ARHGEF26: variants seen among roughly 807,000 people sequenced by gnomAD.
ARHGEF26 encodes Rho guanine nucleotide exchange factor (GEF) 26.
In ARHGEF26, 59 loss-of-function variants were observed where a neutral mutation model predicts 89.4. The observed-to-expected ratio is 0.66, with a 90% confidence interval of 0.54 to 0.82. ARHGEF26 has a LOEUF of 0.82. ARHGEF26 is among the 40% of genes least tolerant of loss of function. The pLI is 0.00. For synonymous variants in ARHGEF26, 500 were observed against 428.4 expected (o/e 1.17, Z -2.06); for missense variants, 1,234 against 1,085.6 (o/e 1.14, Z -1.92).
At chr3:154,125,445 A>G (rs1718270940) in intron 3 of ARHGEF26, among the ~76,000 whole-genome samples, 1 of 152,182 alleles carries the variant, frequency 6.6e-6, no homozygotes, top group Admixed American at 6.5e-5. Flanking sequence ...AGGAAACCAG[A>G]AGATCTGAGA....
chr3:154,223,095 G>A (rs893799684), intron 10 of ARHGEF26, among the ~76,000 whole-genome samples: 6 of 152,118 alleles, frequency 3.9e-5, no homozygotes, highest in Admixed American at 1.3e-4. Context: ...TTTGTCTTGC[G>A]ATGGAAAGTT....
In ARHGEF26 at chr3:154,122,401, GCGCCGCCGC is replaced by G; in HGVS notation, c.418_426del (p.Pro140_Pro142del). ...AGCAAATGGCGCGGTGACCTTGCCT[GCGCCGCCGC>G]CGCCGCCGGTTCTGCGCCCCCCGCG... On this transcript the variant is annotated inframe_deletion, in exon 2 of 15. Coordinates refer to ENST00000465093, the MANE Select transcript of ARHGEF26 (RefSeq NM_015595.4). 1.2e-6 allele frequency: 2 copies of G among 1,606,776 alleles called. No individual in the cohort carries two copies. The highest frequency in any genetic ancestry group is 1.7e-6 in the Non-Finnish European group (2 of 1,176,768).
In ARHGEF26 at chr3:154,191,348, GGAACTTACCCAT is replaced by G. The variant is rs1389893522; in HGVS notation, c.1703_1714del (p.Asn568_Met571del). 1.2e-6 allele frequency: 2 copies of G among 1,613,598 alleles called. No individual in the cohort carries two copies. The highest frequency in any genetic ancestry group is 1.7e-6 in the Non-Finnish European group (2 of 1,179,776). ...AGGATTGAGTCCCATGAAGACTGTA[GGAACTTACCCAT>G]GATCTCTTTTCTCATTCTCCCCATG... On this transcript the variant is annotated inframe_deletion, in exon 8 of 15. Transcript: ENST00000465093.
At chr3:154,253,484 ATTAAG>A (rs891879072) in intron 13 of ARHGEF26, among the ~76,000 whole-genome samples, 3 of 152,332 alleles carry the variant, frequency 2.0e-5, no homozygotes, top group African/African-American at 7.2e-5. Flanking sequence ...TATTGTGAAG[ATTAAG>A]TTAAATAATC....
In ARHGEF26 at chr3:154,240,458, G is replaced by C. The variant is rs1210624088; in HGVS notation, c.2179G>C (p.Gly727Arg). 6.8e-6 allele frequency: 11 copies of C among 1,613,354 alleles called. No homozygotes were observed. The highest frequency in any genetic ancestry group is 7.6e-6 in the Non-Finnish European group (9 of 1,179,644). ...CDNEELNSSP[G>R]KNSSTMLYSR... ...CAATGAAGAGCTTAATTCTTCTCCA[G>C]GGAAGAACAGCTCCACAATGCTCTA... is the stretch of plus-strand genomic sequence containing the variant. Residue 727 changes from glycine to arginine, a missense_variant, in exon 12 of 15, where the codon GGG (glycine) becomes CGG (arginine). Gly to Arg is a moderately radical substitution (Grantham distance 125). Coordinates refer to ENST00000465093, the MANE Select transcript of ARHGEF26 (RefSeq NM_015595.4).
intron 4 of ARHGEF26, among the ~76,000 whole-genome samples, chr3:154,137,719 G>A (rs768732393): frequency 2.6e-5 from 4 of 151,522 alleles, no homozygotes; most frequent in Non-Finnish European, 5.9e-5. Context: ...GGTCCTGCCT[G>A]TAATCTCAGA....
intron 6 of ARHGEF26, among the ~76,000 whole-genome samples, chr3:154,184,371 C>A (rs1379365325): frequency 6.6e-6 from 1 of 152,188 alleles, no homozygotes; most frequent in African/African-American, 2.4e-5. Context: ...AGCTAGAAAT[C>A]AAATAGTCTT....
At chr3:154,235,070 C>G (rs1717038986) in intron 11 of ARHGEF26, among the ~76,000 whole-genome samples, 1 of 151,056 alleles carries the variant, frequency 6.6e-6, no homozygotes, top group Admixed American at 6.6e-5. Flanking sequence ...TTTTTTTTTT[C>G]CACAATCTTT....
In ARHGEF26 at chr3:154,218,012, A is replaced by G; in HGVS notation, c.1935+54A>G. 2.7e-6 allele frequency: 4 copies of G among 1,471,330 alleles called. No individual in the cohort carries two copies. In the South Asian group the frequency reaches 4.9e-5, roughly 18 times the overall value. 91.1% of individuals were successfully genotyped at this position (1,471,330 alleles called of 1,614,324 possible). A position where few individuals can be genotyped will look rare whatever the true frequency, so the allele number is the denominator to read the frequency against. On this transcript the variant is annotated intron_variant, in intron 10 of 14. Coordinates refer to ENST00000465093, the MANE Select transcript of ARHGEF26 (RefSeq NM_015595.4). ...CTTGCCTATGTTTTTCTCTAAATAG[A>G]GAGAGACAGTTGAGGGCAACAAAGT...
intron 6 of ARHGEF26, among the ~76,000 whole-genome samples, chr3:154,160,878 A>T (rs1428538662): frequency 6.6e-6 from 1 of 152,076 alleles, no homozygotes; most frequent in East Asian, 1.9e-4. Flanking sequence ...TTTCATGCAA[A>T]TCTGTTTGAG....
At chr3:154,222,718 G>A (rs1576798630) in intron 10 of ARHGEF26, among the ~76,000 whole-genome samples, 1 of 152,242 alleles carries the variant, frequency 6.6e-6, no homozygotes, top group Non-Finnish European at 1.5e-5. Flanking sequence ...CATTCCAGAA[G>A]CTTGACTATC....
chr3:154,199,219 C>A (rs942894839), intron 9 of ARHGEF26, among the ~76,000 whole-genome samples: 2 of 151,930 alleles, frequency 1.3e-5, no homozygotes, highest in Non-Finnish European at 2.9e-5. Flanking sequence ...CCCCCGACTA[C>A]CCTTCCTAGC....
chr3:154,188,350 G>C (rs1018893338), intron 7 of ARHGEF26, among the ~76,000 whole-genome samples: 1 of 152,202 alleles, frequency 6.6e-6, no homozygotes, highest in East Asian at 1.9e-4. Context: ...AGTTCTGAAG[G>C]AAAGCAGTAG....
chr3:154,220,210 GGCAAGTATTGTAAGAATAGA>G (rs1201278428), intron 10 of ARHGEF26, among the ~76,000 whole-genome samples: 1 of 152,170 alleles, frequency 6.6e-6, no homozygotes, highest in Non-Finnish European at 1.5e-5. Context: ...CCAAGTACAT[GGCAAGTATTGTAAGAATAGA>G]GCAGATTTAC....
chr3:154,167,112 A>C (rs1712091209), intron 6 of ARHGEF26, among the ~76,000 whole-genome samples: 1 of 152,184 alleles, frequency 6.6e-6, no homozygotes, highest in African/African-American at 2.4e-5. Flanking sequence ...ACTTTAAATG[A>C]ATAGGTCCAC....
chr3:154,133,189 T>C (rs1305227003), intron 4 of ARHGEF26, among the ~76,000 whole-genome samples: 2 of 152,172 alleles, frequency 1.3e-5, no homozygotes. Flanking sequence ...GCCTTGAGTC[T>C]GTGCTGTAAT....
At chr3:154,190,030 TA>T (rs917008468) in intron 7 of ARHGEF26, among the ~76,000 whole-genome samples, 5 of 151,582 alleles carry the variant, frequency 3.3e-5, no homozygotes, top group African/African-American at 4.8e-5. Context: ...ACATTTTTTT[TA>T]AAAAAAATGA....
intron 3 of ARHGEF26, among the ~76,000 whole-genome samples, chr3:154,129,175 C>T (rs951960221): frequency 6.6e-6 from 1 of 152,134 alleles, no homozygotes; most frequent in Non-Finnish European, 1.5e-5. Flanking sequence ...TTCCATTTTA[C>T]TCTCAGCCCT....
chr3:154,255,684 A>C lies in ARHGEF26; in HGVS notation c.*211A>C. 3 of 1,376,920 alleles carry C rather than the reference A, an allele frequency of 2.2e-6. No individual in the cohort carries two copies. The highest frequency in any genetic ancestry group is 1.9e-6 in the Non-Finnish European group (2 of 1,071,742). 85.3% of individuals were successfully genotyped at this position (1,376,920 alleles called of 1,614,324 possible). ...CAGCTCAGTTTTTACCTAACCACAC[A>C]CTTGCAGACCTCCTGAGGTACACAG... On this transcript the variant is annotated 3_prime_UTR_variant, in exon 15 of 15. Transcript: ENST00000465093.
Sources: allele counts gnomAD v4.1 joint callset (sites outside exome capture counted in the v4.1 genomes callset), GRCh38; gene constraint gnomAD v4.1.1; transcripts MANE v1.5; gene names NCBI Gene and HGNC (gene_info 2026-07-23, HGNC 2026-07-21).